Variants in RYR3 observed in about 807,000 individuals in gnomAD.
RYR3 encodes the protein ryanodine receptor 3, also known as brain ryanodine receptor-calcium release channel.
In RYR3, 207 loss-of-function variants were observed where a neutral mutation model predicts 584.3. That is an observed-to-expected ratio of 0.35 (90% CI 0.32 to 0.40). The LOEUF is 0.40. Among genes scored for constraint, RYR3 ranks in the 10% least tolerant of loss-of-function variants. RYR3 has a pLI of 1.00. For missense variants in RYR3, 5,616 were observed against 6,089.2 expected, an observed-to-expected ratio of 0.92 and a Z score of 2.59; for synonymous variants, 2,416 against 2,248.5, an observed-to-expected ratio of 1.07 and a Z score of -2.11.
chr15:33,723,903 A>G (rs147954039), intron 44 of RYR3, among the ~76,000 whole-genome samples, 162 bp from the exon 45 acceptor site: 85 of 152,340 alleles, frequency 5.6e-4, no homozygotes, highest in African/African-American at 2.0e-3. Flanking sequence ...AGCTTAATGA[A>G]TGAAACCACT....
At position 33,379,370 on chromosome 15, in the gene RYR3, G is replaced by A. The variant is rs139704849; in HGVS notation, c.51+68274G>A. On this transcript the variant is annotated intron_variant, in intron 1 of 103. Transcript: ENST00000634891. ...GAGTGGAAGTGAAGGGCCATGCTGG[G>A]GATTGGAACAAAATGGACATTGGAA... Among the ~76,000 whole-genome samples, 428 of 152,214 alleles carry A rather than the reference G, an allele frequency of 2.8e-3. 1 individual carries two copies. Among genetic ancestry groups the A allele is most frequent in the African/African-American group, 0.01 (419 of 41,534 alleles).
At chr15:33,822,029 T>TCATTCATTCATC (rs1596810882) in intron 80 of RYR3, among the ~76,000 whole-genome samples, 1 of 152,012 alleles carries the variant, frequency 6.6e-6, no homozygotes, top group African/African-American at 2.4e-5. Flanking sequence ...ATTCATTCAT[T>TCATTCATTCATC]CATTGAGCAA....
chr15:33,567,017 G>A (rs865795962), intron 12 of RYR3, among the ~76,000 whole-genome samples: 4 of 152,202 alleles, frequency 2.6e-5, no homozygotes, highest in African/African-American at 7.2e-5. Flanking sequence ...AGCCCCATTA[G>A]TTACTCAGAT....
chr15:33,720,165 C>G (rs1216428017), intron 43 of RYR3, among the ~76,000 whole-genome samples: 1 of 152,168 alleles, frequency 6.6e-6, no homozygotes, highest in East Asian at 1.9e-4. Flanking sequence ...TAGAGTGGTA[C>G]ATGCTTACAA....
rs752645897 is a variant in RYR3, at chr15:33,755,022, G to T, written c.8400-43G>T. On this transcript the variant is annotated intron_variant, in intron 57 of 103. Transcript: ENST00000634891. ...ACTGGTGGTGCACCTGAGTGACATG[G>T]TTGTCTCTGTTACTTCCTGGGGTCT... 4.6e-6 allele frequency: 5 copies of T among 1,084,802 alleles called. No individual in the cohort carries two copies. The South Asian group carries it at 6.5e-5, about 14-fold the overall frequency. The allele number at this position is 1,084,802 out of a possible 1,614,324, so 67.2% of individuals were successfully genotyped here.
chr15:33,401,167 T>C (rs1036244207), intron 1 of RYR3, among the ~76,000 whole-genome samples: 7 of 152,312 alleles, frequency 4.6e-5, no homozygotes, highest in African/African-American at 1.7e-4. Context: ...TTATGAGGTC[T>C]TAAAAACAGT....
intron 1 of RYR3, among the ~76,000 whole-genome samples, chr15:33,354,546 C>T (rs1274175832): frequency 6.6e-6 from 1 of 152,210 alleles, no homozygotes; most frequent in Non-Finnish European, 1.5e-5. Context: ...CTTCATAATG[C>T]AGCTCTTGAC....
intron 27 of RYR3, among the ~76,000 whole-genome samples, chr15:33,637,377 C>T (rs2061552239): frequency 6.6e-6 from 1 of 152,236 alleles, no homozygotes; most frequent in South Asian, 2.1e-4. Flanking sequence ...ACGGCAGTGA[C>T]TTAACACCTG....
intron 94 of RYR3, chr15:33,849,426 A>G (rs1192891383): frequency 6.6e-6 from 1 of 152,152 alleles, no homozygotes; most frequent in Non-Finnish European, 1.5e-5. Context: ...AAGGATGAGA[A>G]TATCATCCTG....
chr15:33,379,685 C>CTA (rs1234432644), intron 1 of RYR3, among the ~76,000 whole-genome samples: 1,849 of 117,772 alleles, frequency 0.016, 15 homozygotes, highest in Middle Eastern at 0.018. Flanking sequence ...CTCTCTCTCT[C>CTA]TCTATATATA....
intron 1 of RYR3, among the ~76,000 whole-genome samples, chr15:33,441,497 G>C (rs1024753480): frequency 3.9e-5 from 6 of 152,102 alleles, no homozygotes; most frequent in African/African-American, 1.2e-4. Context: ...AAGATAGGTG[G>C]GGAGTTGGGG....
At chr15:33,856,828 T>G (rs1218142017) in intron 98 of RYR3, 1 of 152,192 alleles carries the variant, frequency 6.6e-6, no homozygotes, top group African/African-American at 2.4e-5. Context: ...CAAGCTAATT[T>G]TTGTATTTTT....
At chr15:33,414,614 TA>T (rs1436854125) in intron 1 of RYR3, among the ~76,000 whole-genome samples, 1 of 152,164 alleles carries the variant, frequency 6.6e-6, no homozygotes, top group Admixed American at 6.5e-5. Context: ...AAGTAATTTT[TA>T]TTTTTTTTGG....
intron 1 of RYR3, among the ~76,000 whole-genome samples, chr15:33,456,051 C>CTGTGTG (rs1291127533): frequency 2.0e-5 from 3 of 152,152 alleles, no homozygotes; most frequent in African/African-American, 7.2e-5. Flanking sequence ...GTGTGAATAA[C>CTGTGTG]TGTAATCTAA....
chr15:33,359,009 T>G (rs1172032783), intron 1 of RYR3, among the ~76,000 whole-genome samples: 3 of 152,226 alleles, frequency 2.0e-5, no homozygotes, highest in Non-Finnish European at 4.4e-5. Context: ...TACTTTTCAG[T>G]GTTTCTTCAG....
chr15:33,696,043 C>T (rs147126404), intron 38 of RYR3, among the ~76,000 whole-genome samples, 175 bp from the exon 39 acceptor site: 16 of 149,478 alleles, frequency 1.1e-4, no homozygotes, highest in East Asian at 4.0e-4. Flanking sequence ...AATCCTTCAG[C>T]CTCAGCCTCC....
intron 41 of RYR3, among the ~76,000 whole-genome samples, chr15:33,700,183 A>C (rs953530245): frequency 1.3e-5 from 2 of 152,204 alleles, no homozygotes; most frequent in Non-Finnish European, 2.9e-5. Context: ...TCAACTGACC[A>C]GGGAGCAGTG....
chr15:33,578,614 G>A (rs1399350440), intron 12 of RYR3, among the ~76,000 whole-genome samples: 4 of 152,028 alleles, frequency 2.6e-5, no homozygotes, highest in Admixed American at 6.6e-5. Context: ...TCGAGGGGTG[G>A]GGGGTAGGAG....
intron 49 of RYR3, among the ~76,000 whole-genome samples, chr15:33,736,631 C>T (rs1395527499): frequency 6.6e-6 from 1 of 152,184 alleles, no homozygotes; most frequent in Non-Finnish European, 1.5e-5. Context: ...TTGTGTTCAT[C>T]TCAAAAAGCT....
Sources: allele counts gnomAD v4.1 joint callset (sites outside exome capture counted in the v4.1 genomes callset), GRCh38; gene constraint gnomAD v4.1.1; transcripts MANE v1.5; gene names NCBI Gene and HGNC (gene_info 2026-07-23, HGNC 2026-07-21).